The following IQSEC1 variants were observed in gnomAD, a reference collection of about 807,000 sequenced individuals.
The protein encoded by IQSEC1 is IQ motif and Sec7 domain ArfGEF 1.
A neutral mutation model predicts 91.0 loss-of-function variants in IQSEC1; 31 were observed. The ratio of observed to expected loss-of-function variants is 0.34; its 90% CI spans 0.26 to 0.46. The LOEUF (loss-of-function observed/expected upper bound fraction) is 0.46, where lower values mean the gene tolerates loss of function less well. Among genes scored for constraint, IQSEC1 ranks in the 20% least tolerant of loss-of-function variants. The pLI is 1.00. For missense variants in IQSEC1, 1,388 were observed against 1,575.6 expected (o/e 0.88, Z 2.02); for synonymous variants, 699 against 662.6 (o/e 1.05, Z -0.84).
chr3:13,269,255 C>T (rs747639211), intron 1 of IQSEC1, among the ~76,000 whole-genome samples: 6 of 152,164 alleles, frequency 3.9e-5, no homozygotes, highest in African/African-American at 4.8e-5. Context: ...AGCGAGGCTG[C>T]TTGGGTGTCC....
At chr3:13,237,078 A>C (rs1694943157) in intron 1 of IQSEC1, among the ~76,000 whole-genome samples, 1 of 152,178 alleles carries the variant, frequency 6.6e-6, no homozygotes, top group Non-Finnish European at 1.5e-5. Context: ...GCTGCACTGG[A>C]AGGTCTCCCT....
chr3:13,032,345 A>G (rs1376650122), intron 1 of IQSEC1, among the ~76,000 whole-genome samples: 3 of 152,154 alleles, frequency 2.0e-5, no homozygotes, highest in Non-Finnish European at 4.4e-5. Context: ...TGAGCCTTTC[A>G]CACACACCCC....
chr3:12,981,854 G>A (rs1048216436), intron 1 of IQSEC1, among the ~76,000 whole-genome samples: 8 of 152,168 alleles, frequency 5.3e-5, no homozygotes, highest in East Asian at 1.9e-4. Context: ...AGACCAGCCC[G>A]CATCCTCTTC....
At chr3:13,196,818 C>A (rs1414998075) in intron 1 of IQSEC1, among the ~76,000 whole-genome samples, 1 of 151,594 alleles carries the variant, frequency 6.6e-6, no homozygotes, top group Non-Finnish European at 1.5e-5. Flanking sequence ...GAGCCCATCC[C>A]AGGAAGTCCA....
rs559553284 is a variant in IQSEC1, at chr3:13,202,099, T to C, written c.273-37966A>G. Among the ~76,000 whole-genome samples, 38 of 152,290 alleles carry C rather than the reference T, an allele frequency of 2.5e-4. No homozygotes were observed. In the South Asian group the frequency reaches 7.9e-3, roughly 32 times the overall value. ...CCACTCATTCTACCACGTGCAAAAG[T>C]CTGTGCTGGCACCTCAGACCCATTA... On this transcript the variant is annotated intron_variant, in intron 1 of 15. Transcript: ENST00000648114.
chr3:13,105,784 C>T (rs1289461482), intron 2 of IQSEC1, among the ~76,000 whole-genome samples: 1 of 152,158 alleles, frequency 6.6e-6, no homozygotes, highest in Non-Finnish European at 1.5e-5. Flanking sequence ...GGGATGTGTG[C>T]AGCATCTGAG....
At chr3:13,046,084 G>A (rs1443664752) in intron 1 of IQSEC1, among the ~76,000 whole-genome samples, 4 of 152,190 alleles carry the variant, frequency 2.6e-5, no homozygotes, top group African/African-American at 4.8e-5. Context: ...AGTGTGCTAC[G>A]GTGTTGGGCA....
intron 1 of IQSEC1, among the ~76,000 whole-genome samples, chr3:13,238,206 C>T (rs1371381292): frequency 6.6e-6 from 1 of 152,210 alleles, no homozygotes; most frequent in Non-Finnish European, 1.5e-5. Flanking sequence ...CACCGCCCTC[C>T]ACCTGCTTTC....
Position 12,908,460 on chromosome 3 carries a change from C to G in IQSEC1, c.2644G>C (p.Glu882Gln), listed in dbSNP as rs765493111. 6.2e-7 allele frequency: 1 copy of G among 1,613,532 alleles called. No individual in the cohort carries two copies. The highest frequency in any genetic ancestry group is 8.5e-7 in the Non-Finnish European group (1 of 1,180,054). ...CGGCTCAGTGTTCCGTTGCCCGACT[C>G]CTTTTTGAGGCTAGAGCACTGGGAC... ...SMSQCSSLKK[E>Q]SGNGTLSRAC... is the part of the protein sequence containing the mutation. The change falls in exon 12 of 14, where the codon GAG (glutamate) becomes CAG (glutamine). Residue 882 changes from glutamate (E) to glutamine (Q), a missense_variant. Around this residue, in one of 2 missense-constraint regions of IQSEC1, gnomAD observed 1,059 missense variants for 1,317.8 expected, o/e 0.80. Coordinates refer to ENST00000613206, the MANE Select transcript of IQSEC1 (RefSeq NM_001134382.3). This position sits in a 1 kb window ranked among gnomAD's most constrained non-coding sequence, Gnocchi z 4.9.
chr3:13,105,642 G>C (rs1040777829), intron 2 of IQSEC1, among the ~76,000 whole-genome samples: 4 of 152,012 alleles, frequency 2.6e-5, no homozygotes, highest in African/African-American at 4.8e-5. Flanking sequence ...TGTATCACGG[G>C]CATCTAAGAG....
At chr3:12,904,289 T>A (rs1196262185) in intron 12 of IQSEC1, among the ~76,000 whole-genome samples, 1 of 151,662 alleles carries the variant, frequency 6.6e-6, no homozygotes, top group Non-Finnish European at 1.5e-5. Flanking sequence ...CAGGTGGGAG[T>A]TGGGGTCAGC....
intron 1 of IQSEC1, among the ~76,000 whole-genome samples, chr3:13,014,762 G>A (rs1190237655): frequency 6.6e-6 from 1 of 152,070 alleles, no homozygotes; most frequent in Non-Finnish European, 1.5e-5. Flanking sequence ...TCAGGCTCAG[G>A]GGTTACAGCT....
At chr3:13,016,507 C>A (rs1422401016) in intron 1 of IQSEC1, among the ~76,000 whole-genome samples, 1 of 152,220 alleles carries the variant, frequency 6.6e-6, no homozygotes. Context: ...CCCCAGTCAA[C>A]TTTCAAGCCC....
At chr3:13,114,961 T>C (rs957056577) in intron 2 of IQSEC1, among the ~76,000 whole-genome samples, 1 of 152,092 alleles carries the variant, frequency 6.6e-6, no homozygotes, top group Non-Finnish European at 1.5e-5. Context: ...CTGAGCAGCC[T>C]GCGTGGGTGA....
rs570778984 is a variant in IQSEC1, at chr3:13,119,706, G to A, written c.302+44398C>T. 1.4e-4 allele frequency among the ~76,000 whole-genome samples: 22 copies of A among 152,382 alleles called. No individual in the cohort carries two copies. In the East Asian group the frequency reaches 3.7e-3, roughly 25 times the overall value. On this transcript the variant is annotated intron_variant, in intron 2 of 15. Coordinates refer to the IQSEC1 transcript ENST00000648114. The stretch of plus-strand genomic sequence containing the variant: ...GTCGTCTAAGGCAGCCTGGCTGCAC[G>A]TGGGAGCTTCAGGAGGAGCAGGTAT...
chr3:13,117,290 A>G (rs1706350412), intron 2 of IQSEC1, among the ~76,000 whole-genome samples: 1 of 39,050 alleles, frequency 2.6e-5, no homozygotes, highest in Non-Finnish European at 4.4e-5. Flanking sequence ...AGGTCATTAG[A>G]AAAAAAAAAA....
At chr3:13,253,500 T>A (rs1440958077) in intron 1 of IQSEC1, among the ~76,000 whole-genome samples, 3 of 152,288 alleles carry the variant, frequency 2.0e-5, no homozygotes, top group Admixed American at 2.0e-4. Flanking sequence ...TGAATGAAGC[T>A]TCGGTAATAC....
intron 1 of IQSEC1, among the ~76,000 whole-genome samples, chr3:12,955,551 A>G (rs1699848600): frequency 6.6e-6 from 1 of 152,194 alleles, no homozygotes; most frequent in South Asian, 2.1e-4. Flanking sequence ...TCAGTGCCAC[A>G]GAGGGGCCCC....
chr3:12,909,165 G>C lies in IQSEC1; in HGVS notation c.2578+108C>G. On this transcript the variant is annotated intron_variant, in intron 11 of 13. Coordinates refer to ENST00000613206, the MANE Select transcript of IQSEC1 (RefSeq NM_001134382.3). This position sits in a 1 kb window ranked among gnomAD's most constrained non-coding sequence, Gnocchi z 4.9. ...GCCATAGGGAAGGCCAGAAAAGACT[G>C]GGGGACATCTTGTCTCTGTGAGCTC... 1 of 1,186,722 alleles carries C rather than the reference G, an allele frequency of 8.4e-7. No homozygotes were observed. The highest frequency in any genetic ancestry group is 1.2e-6 in the Non-Finnish European group (1 of 823,456). 73.5% of individuals were successfully genotyped at this position (1,186,722 alleles called of 1,614,324 possible). A position where few individuals can be genotyped will look rare whatever the true frequency, so the allele number is the denominator to read the frequency against.
Sources: gnomAD v4.1 joint callset for allele counts (sites outside exome capture counted in the v4.1 genomes callset) on GRCh38, gnomAD v4.1.1 for gene constraint, gnomAD v4.1.1 regional missense constraint, Gnocchi (gnomAD v3.1) non-coding constraint, MANE v1.5 for transcripts, NCBI Gene and HGNC (gene_info 2026-07-23, HGNC 2026-07-21) for gene names.